DLG2: variants seen among roughly 807,000 people sequenced by gnomAD.
DLG2 encodes the protein disks large homolog 2.
In DLG2, 45 loss-of-function variants were observed where a neutral mutation model predicts 132.5. That is an observed-to-expected ratio of 0.34 (90% CI 0.27 to 0.44). The LOEUF (loss-of-function observed/expected upper bound fraction) is 0.44. DLG2 is among the 20% of genes least tolerant of loss of function. The probability of loss-of-function intolerance (pLI) is 1.00; values close to 1 mark genes in which losing one functional copy is unlikely to be tolerated. For missense variants in DLG2, 1,045 were observed against 1,196.9 expected (o/e 0.87, Z 1.87); for synonymous variants, 424 against 419.6 (o/e 1.01, Z -0.13).
intron 3 of DLG2, among the ~76,000 whole-genome samples, chr11:85,323,425 G>T (rs533154006): frequency 6.6e-6 from 1 of 152,234 alleles, no homozygotes; most frequent in South Asian, 2.1e-4. Context: ...TTTGATACAT[G>T]CATAGAGTGT....
At chr11:84,000,965 C>A (rs1211183205) in intron 11 of DLG2, among the ~76,000 whole-genome samples, 1 of 151,724 alleles carries the variant, frequency 6.6e-6, no homozygotes, top group Non-Finnish European at 1.5e-5. Context: ...AGAAAGAACT[C>A]AAATAGCATC....
At chr11:84,913,257 G>A (rs529596549) in intron 6 of DLG2, among the ~76,000 whole-genome samples, 2 of 152,318 alleles carry the variant, frequency 1.3e-5, no homozygotes, top group African/African-American at 2.4e-5. Context: ...TGGGTGTTGA[G>A]ACAATGTTAG....
chr11:83,624,535 A>G (rs141126195), intron 19 of DLG2, among the ~76,000 whole-genome samples: 255 of 152,332 alleles, frequency 1.7e-3, no homozygotes, highest in Middle Eastern at 3.4e-3. Flanking sequence ...AAGAATCAAA[A>G]TCTATTCTGC....
At position 85,575,225 on chromosome 11, in the gene DLG2, A is replaced by T. The variant is rs115614421; in HGVS notation, c.40+23432T>A. 5.0e-3 allele frequency among the ~76,000 whole-genome samples: 765 copies of T among 151,880 alleles called. 5 individuals are homozygous for T. Among genetic ancestry groups the T allele is most frequent in the African/African-American group, 0.017 (707 of 41,438 alleles). On this transcript the variant is annotated intron_variant, in intron 3 of 27. Coordinates refer to ENST00000376104, the MANE Select transcript of DLG2 (RefSeq NM_001142699.3). The stretch of plus-strand genomic sequence containing the variant: ...TTCCCACCAAAACTAAGCATTTCCT[A>T]CTACTGTTTCTCAATCAGGACTGAT...
intron 15 of DLG2, among the ~76,000 whole-genome samples, chr11:83,919,764 C>T (rs2077531159): frequency 6.6e-6 from 1 of 152,142 alleles, no homozygotes; most frequent in Non-Finnish European, 1.5e-5. Flanking sequence ...AATCTTTGTA[C>T]CCAACCATCT....
At chr11:85,620,717 T>C (rs142091841) in intron 2 of DLG2, among the ~76,000 whole-genome samples, 242 of 152,288 alleles carry the variant, frequency 1.6e-3, no homozygotes, top group Non-Finnish European at 2.3e-3. Flanking sequence ...TTCAATTCTA[T>C]ATAGGCTGAG....
rs186469498 is a variant in DLG2, at chr11:84,906,671, G to A, written c.357+204990C>T. Among the ~76,000 whole-genome samples the A allele has an allele frequency of 6.8e-4, 104 of 152,134 alleles. No homozygotes were observed. In the East Asian group the frequency reaches 0.011, roughly 16 times the overall value. Reference sequence around the variant, plus strand: ...TTGAAGTCTATCAGGGAGGCATGTCGTAATCAAATAATCAAAGAAATACAC... The same window carrying A: ...TTGAAGTCTATCAGGGAGGCATGTCATAATCAAATAATCAAAGAAATACAC... On this transcript the variant is annotated intron_variant, in intron 6 of 27. Transcript: ENST00000376104.
intron 18 of DLG2, among the ~76,000 whole-genome samples, chr11:83,776,742 A>C (rs1281548728): frequency 6.6e-6 from 1 of 152,062 alleles, no homozygotes; most frequent in Non-Finnish European, 1.5e-5. Context: ...CACTTCAGAT[A>C]TCTTTCCCTC....
rs1376927286 is a variant in DLG2, at chr11:83,766,869, T to C, written c.1825+19821A>G. Among the ~76,000 whole-genome samples, 4 of 152,220 alleles carry C rather than the reference T, an allele frequency of 2.6e-5. No homozygotes were observed. In the East Asian group the frequency reaches 7.7e-4, roughly 29 times the overall value. On this transcript the variant is annotated intron_variant, in intron 18 of 27. Transcript: ENST00000376104. ...TTTAGAAGACAAAAATAGGTTTCACTGGAATAAATTATCTGTCCACAGCAC... is the reference window on the plus strand; with the variant it reads ...TTTAGAAGACAAAAATAGGTTTCACCGGAATAAATTATCTGTCCACAGCAC...
At chr11:83,949,110 C>T (rs2084783349) in intron 14 of DLG2, among the ~76,000 whole-genome samples, 1 of 152,018 alleles carries the variant, frequency 6.6e-6, no homozygotes, top group Non-Finnish European at 1.5e-5. Context: ...CTATGGTCTC[C>T]AGTGTTGATT....
At chr11:84,124,558 C>T (rs1945829) in intron 9 of DLG2, among the ~76,000 whole-genome samples, 11,670 of 152,186 alleles carry the variant, frequency 0.077, 526 homozygotes, top group African/African-American at 0.12. Context: ...TCATGATAGA[C>T]GCTTAACAAA....
intron 6 of DLG2, among the ~76,000 whole-genome samples, chr11:84,905,917 G>A (rs1388746196): frequency 6.6e-6 from 1 of 152,012 alleles, no homozygotes; most frequent in Non-Finnish European, 1.5e-5. Context: ...CCTAAAATTG[G>A]TTTTTAGTAC....
intron 3 of DLG2, among the ~76,000 whole-genome samples, chr11:85,379,287 C>G (rs762197909): frequency 6.6e-6 from 1 of 152,132 alleles, no homozygotes; most frequent in Non-Finnish European, 1.5e-5. Context: ...CAACCACAGA[C>G]GCTCCTCCCT....
chr11:85,491,401 A>C (rs992385938), intron 3 of DLG2, among the ~76,000 whole-genome samples: 22 of 152,156 alleles, frequency 1.4e-4, no homozygotes, highest in Admixed American at 1.3e-3. Flanking sequence ...TCAACATAGT[A>C]CTGGAAGTTC....
chr11:85,110,667 G>T (rs1002743251), intron 6 of DLG2, among the ~76,000 whole-genome samples: 3 of 151,958 alleles, frequency 2.0e-5, no homozygotes, highest in Admixed American at 6.6e-5. Context: ...GAGGAAAAAA[G>T]CTTAATCTCT....
chr11:84,277,587 T>C (rs1469054509), intron 7 of DLG2, among the ~76,000 whole-genome samples: 2 of 152,174 alleles, frequency 1.3e-5, no homozygotes, highest in African/African-American at 4.8e-5. Context: ...TAAGGAAACA[T>C]ACATATCACT....
At chr11:85,177,263 T>TTATTTATATA (rs774212496) in intron 4 of DLG2, among the ~76,000 whole-genome samples, 6 of 137,060 alleles carry the variant, frequency 4.4e-5, no homozygotes, top group Non-Finnish European at 6.1e-5. Flanking sequence ...GTATATGTAT[T>TTATTTATATA]TATATATATA....
At chr11:84,137,334 G>A (rs1013877041) in intron 9 of DLG2, among the ~76,000 whole-genome samples, 1 of 152,018 alleles carries the variant, frequency 6.6e-6, no homozygotes, top group African/African-American at 2.4e-5. Flanking sequence ...TATCATTAAA[G>A]AGAAAAAAAT....
chr11:84,663,241 ATATATATATT>A (rs979350836), intron 6 of DLG2, among the ~76,000 whole-genome samples: 3 of 65,862 alleles, frequency 4.6e-5, no homozygotes, highest in African/African-American at 1.8e-4. Flanking sequence ...ATATATATAT[ATATATATATT>A]TTTTTTTCAT....
Sources: allele counts gnomAD v4.1 joint callset (sites outside exome capture counted in the v4.1 genomes callset), GRCh38; gene constraint gnomAD v4.1.1; transcripts MANE v1.5; gene names NCBI Gene and HGNC (gene_info 2026-07-23, HGNC 2026-07-21).